The following TPTE2 variants were observed in gnomAD, a reference collection of about 807,000 sequenced individuals.
TPTE2 encodes phosphatidylinositol 3,4,5-trisphosphate 3-phosphatase TPTE2.
Under a neutral mutation model 78.6 loss-of-function variants are expected in TPTE2, and 53 were observed. The observed-to-expected ratio is 0.67, with a 90% CI of 0.54 to 0.85. The LOEUF (loss-of-function observed/expected upper bound fraction) is 0.85. TPTE2 is among the 40% of genes least tolerant of loss of function. The pLI, the probability that TPTE2 is intolerant of heterozygous loss-of-function variation, is 0.00. For synonymous variants in TPTE2, 175 were observed against 206.2 expected (o/e 0.85, Z 1.30); for missense variants, 461 against 623.0 (o/e 0.74, Z 2.77).
intron 4 of TPTE2, among the ~76,000 whole-genome samples, chr13:19,479,561 A>T (rs1431415069): frequency 1.3e-5 from 2 of 152,196 alleles, no homozygotes; most frequent in Non-Finnish European, 2.9e-5. Flanking sequence ...AGAAATCATA[A>T]ATACAAACAT....
intron 13 of TPTE2, among the ~76,000 whole-genome samples, chr13:19,440,130 A>T (rs946956564): frequency 4.6e-5 from 7 of 152,316 alleles, no homozygotes; most frequent in Admixed American, 3.3e-4. Context: ...AAAAATGAGC[A>T]TTACCAAGGC....
chr13:19,467,779 C>G (rs1879355005), intron 6 of TPTE2, among the ~76,000 whole-genome samples: 1 of 151,872 alleles, frequency 6.6e-6, no homozygotes, highest in Non-Finnish European at 1.5e-5. Flanking sequence ...AGGCGTTACT[C>G]ATTCTATTTT....
intron 17 of TPTE2, among the ~76,000 whole-genome samples, chr13:19,429,154 C>A (rs1308754653): frequency 1.3e-5 from 2 of 152,172 alleles, no homozygotes; most frequent in Admixed American, 1.3e-4. Context: ...GCTCTACCTA[C>A]AATTTTTCAC....
intron 6 of TPTE2, among the ~76,000 whole-genome samples, chr13:19,469,052 T>A (rs1459183879): frequency 6.6e-6 from 1 of 152,210 alleles, no homozygotes; most frequent in East Asian, 1.9e-4. Context: ...CATTTTTGCT[T>A]TGGTTGCCTG....
At chr13:19,559,315 A>C in the TPTE2 span, among the ~76,000 whole-genome samples, 19,855 of 152,242 alleles carry the variant, frequency 0.13, 1,458 homozygotes, top group Middle Eastern at 0.23. Context: ...GCAAATATAC[A>C]TTAAAATAGA....
chr13:19,546,406 A>G, the TPTE2 span, among the ~76,000 whole-genome samples: 6 of 152,108 alleles, frequency 3.9e-5, no homozygotes, highest in South Asian at 1.0e-3. Flanking sequence ...ACACTTTGGG[A>G]AAAAAATATA....
At chr13:19,496,557 C>G (rs1376918100) in intron 1 of TPTE2, among the ~76,000 whole-genome samples, 1 of 152,186 alleles carries the variant, frequency 6.6e-6, no homozygotes, top group Non-Finnish European at 1.5e-5. Context: ...CAATGAGGTG[C>G]TGTGCTTGTG....
chr13:19,505,294 C>T (rs1173350631), upstream of TPTE2, among the ~76,000 whole-genome samples: 2 of 152,098 alleles, frequency 1.3e-5, no homozygotes, highest in African/African-American at 4.8e-5. Flanking sequence ...GCATGCACCA[C>T]CACACCTGGC....
chr13:19,558,553 A>G, the TPTE2 span, among the ~76,000 whole-genome samples: 11 of 152,188 alleles, frequency 7.2e-5, no homozygotes, highest in African/African-American at 1.9e-4. Flanking sequence ...AGAGTTGTCG[A>G]TATTGCTAGT....
At chr13:19,502,654 A>C (rs866012869) in intron 1 of TPTE2, among the ~76,000 whole-genome samples, 113 of 73,178 alleles carry the variant, frequency 1.5e-3, no homozygotes, top group African/African-American at 6.0e-3. Context: ...GTTGTGGGGT[A>C]GGGGGAGGGG....
chr13:19,542,419 A>G, the TPTE2 span, among the ~76,000 whole-genome samples: 18 of 152,340 alleles, frequency 1.2e-4, 2 homozygotes, highest in South Asian at 3.7e-3. Flanking sequence ...AAATCTGGAC[A>G]GAAATTTATT....
intron 17 of TPTE2, among the ~76,000 whole-genome samples, chr13:19,428,760 CAACT>C (rs1356681507): frequency 8.6e-5 from 13 of 151,818 alleles, no homozygotes; most frequent in African/African-American, 1.7e-4. Flanking sequence ...AAGAAATAAC[CAACT>C]AACTAACTAA....
At chr13:19,555,816 T>C in the TPTE2 span, among the ~76,000 whole-genome samples, 1 of 139,600 alleles carries the variant, frequency 7.2e-6, no homozygotes, top group East Asian at 2.1e-4. Flanking sequence ...TTTTTTTTTT[T>C]TTTTTTTTTT....
intron 1 of TPTE2, among the ~76,000 whole-genome samples, chr13:19,520,616 T>G (rs999722692): frequency 1.3e-5 from 2 of 151,952 alleles, no homozygotes; most frequent in Admixed American, 1.3e-4. Flanking sequence ...ACTCTAACAT[T>G]TATTATATCC....
intron 19 of TPTE2, 84 bp downstream of exon 22, chr13:19,424,863 C>T: frequency 1.1e-6 from 1 of 886,450 alleles, no homozygotes. Flanking sequence ...AAGTTTATGA[C>T]AACCAGCAAA....
At chr13:19,451,808 AGTGTGTGTGTGTGT>A (rs201672341) in intron 10 of TPTE2, among the ~76,000 whole-genome samples, 1 of 134,820 alleles carries the variant, frequency 7.4e-6, no homozygotes, top group African/African-American at 2.6e-5. Flanking sequence ...TGTACCTATA[AGTGTGTGTGTGTGT>A]GTGTGTGTGT....
chr13:19,549,283 A>C, the TPTE2 span, among the ~76,000 whole-genome samples: 1 of 152,202 alleles, frequency 6.6e-6, no homozygotes, highest in African/African-American at 2.4e-5. Flanking sequence ...AATATCCAGA[A>C]TCTATAACTC....
the TPTE2 span, among the ~76,000 whole-genome samples, chr13:19,554,330 G>A: frequency 4.0e-5 from 6 of 151,510 alleles, no homozygotes; most frequent in Admixed American, 1.3e-4. Context: ...AGCCAAGATC[G>A]TGCCACTGCA....
chr13:19,423,230 C>A, intron 19 of TPTE2, 66 bp from the exon 23 acceptor site: 2 of 1,284,138 alleles, frequency 1.6e-6, no homozygotes, highest in Non-Finnish European at 2.1e-6. Context: ...CAGTTGGGTA[C>A]CCACGTTAGA....
Sources: gnomAD v4.1 joint callset for allele counts (sites outside exome capture counted in the v4.1 genomes callset) on GRCh38, gnomAD v4.1.1 for gene constraint, MANE v1.5 for transcripts, NCBI Gene and HGNC (gene_info 2026-07-23, HGNC 2026-07-21) for gene names.